The following GPC5 variants were observed in gnomAD, a reference collection of about 807,000 sequenced individuals.
GPC5 encodes glypican 5.
Under a neutral mutation model 53.9 loss-of-function variants are expected in GPC5, and 47 were observed. That is an observed-to-expected ratio of 0.87 (90% CI 0.69 to 1.11). The LOEUF is 1.11. Ranked by LOEUF, GPC5 falls within the 50% of genes most tolerant of loss-of-function variation. GPC5 has a pLI of 0.00. For missense variants in GPC5, 748 were observed against 713.1 expected (o/e 1.05, Z -0.56); for synonymous variants, 286 against 263.3 (o/e 1.09, Z -0.84).
chr13:91,769,060 G>T (rs1464540963), intron 5 of GPC5, among the ~76,000 whole-genome samples: 1 of 152,132 alleles, frequency 6.6e-6, no homozygotes, highest in African/African-American at 2.4e-5. Flanking sequence ...TAAGGAATTG[G>T]CTTATGTGAT....
chr13:92,288,758 T>A (rs2139180233), intron 7 of GPC5, among the ~76,000 whole-genome samples: 1 of 152,310 alleles, frequency 6.6e-6, no homozygotes, highest in South Asian at 2.1e-4. Flanking sequence ...CAAAAAGTGA[T>A]GGTCGTTTTA....
chr13:91,574,066 CT>C (rs1410961115), intron 2 of GPC5, among the ~76,000 whole-genome samples: 1 of 152,054 alleles, frequency 6.6e-6, no homozygotes, highest in Non-Finnish European at 1.5e-5. Context: ...TTACCATATT[CT>C]TTTTTTGTGG....
At chr13:91,716,638 A>G (rs2036344126) in intron 3 of GPC5, among the ~76,000 whole-genome samples, 1 of 152,198 alleles carries the variant, frequency 6.6e-6, no homozygotes, top group South Asian at 2.1e-4. Context: ...TCTATCAAAT[A>G]TGTTGAAACT....
chr13:92,439,391 A>G (rs774098882), intron 7 of GPC5, among the ~76,000 whole-genome samples: 8 of 152,228 alleles, frequency 5.3e-5, no homozygotes, highest in Admixed American at 3.9e-4. Context: ...TCAGTGGTCC[A>G]GTGTAAATGC....
At chr13:91,492,090 G>T (rs1173112112) in intron 2 of GPC5, among the ~76,000 whole-genome samples, 1 of 151,946 alleles carries the variant, frequency 6.6e-6, no homozygotes, top group East Asian at 1.9e-4. Context: ...TATATATTCT[G>T]CCCACTTGGT....
rs577626413 is a variant in GPC5 at position 92,216,885 on chromosome 13, G to A, written c.1561+71896G>A. 1.4e-4 allele frequency among the ~76,000 whole-genome samples: 21 copies of A among 151,726 alleles called. No individual in the cohort carries two copies. In the South Asian group the frequency reaches 2.3e-3, roughly 17 times the overall value. ...TCCCAGCTACTGCAGAGGTTGAGGC[G>A]TGAGAATTACTTGAACCCAGGAGGT... On this transcript the variant is annotated intron_variant, in intron 7 of 7. Coordinates refer to ENST00000377067, the MANE Select transcript of GPC5 (RefSeq NM_004466.6).
At chr13:91,977,979 G>T (rs1199727373) in intron 6 of GPC5, among the ~76,000 whole-genome samples, 1 of 135,796 alleles carries the variant, frequency 7.4e-6, no homozygotes, top group Non-Finnish European at 1.6e-5. Flanking sequence ...AAGAAAGAAA[G>T]AAAGAAAAGA....
intron 7 of GPC5, among the ~76,000 whole-genome samples, chr13:92,246,898 A>T (rs543045927): frequency 1.3e-5 from 2 of 152,250 alleles, no homozygotes; most frequent in South Asian, 4.1e-4. Flanking sequence ...TTAATTAACT[A>T]TGTAGACAAA....
intron 6 of GPC5, among the ~76,000 whole-genome samples, chr13:91,935,737 C>T (rs1760746721): frequency 6.6e-6 from 1 of 151,912 alleles, no homozygotes; most frequent in South Asian, 2.1e-4. Flanking sequence ...ATTCGTTTAC[C>T]TTTAGATGTT....
chr13:92,526,333 T>C (rs1033990818), intron 7 of GPC5, among the ~76,000 whole-genome samples: 1 of 152,110 alleles, frequency 6.6e-6, no homozygotes, highest in Non-Finnish European at 1.5e-5. Context: ...TGTGCTTTCA[T>C]AACCTGAGGT....
rs543436949 is a variant in GPC5 at position 91,649,789 on chromosome 13, T to C, written c.326-43398T>C. 1.4e-4 allele frequency among the ~76,000 whole-genome samples: 22 copies of C among 152,318 alleles called. 1 individual carries two copies. In the South Asian group the frequency reaches 1.9e-3, roughly 13 times the overall value. On this transcript the variant is annotated intron_variant, in intron 2 of 7. Transcript: ENST00000377067. ...TGCCCTTCTCAAATGCATTTTAGTATACTCCACATGGCTTGTATTCTTCTG... is the reference window on the plus strand; with the variant it reads ...TGCCCTTCTCAAATGCATTTTAGTACACTCCACATGGCTTGTATTCTTCTG...
At chr13:92,247,713 ATGTCATTT>A (rs2042663003) in intron 7 of GPC5, among the ~76,000 whole-genome samples, 1 of 152,054 alleles carries the variant, frequency 6.6e-6, no homozygotes, top group Non-Finnish European at 1.5e-5. Context: ...TAAGCAGAAA[ATGTCATTT>A]TGGTTTCATC....
intron 7 of GPC5, among the ~76,000 whole-genome samples, chr13:92,545,812 G>A (rs1882090568): frequency 6.6e-6 from 1 of 152,028 alleles, no homozygotes; most frequent in Non-Finnish European, 1.5e-5. Context: ...TGTAGATTCT[G>A]GATATTAGCC....
intron 6 of GPC5, chr13:92,059,794 C>T (rs927126529): frequency 6.6e-6 from 1 of 151,734 alleles, no homozygotes; most frequent in Non-Finnish European, 1.5e-5. Flanking sequence ...CTCACTTTTG[C>T]ATAGAGGTAT....
At chr13:91,720,845 AT>A (rs1483726567) in intron 3 of GPC5, among the ~76,000 whole-genome samples, 1 of 152,130 alleles carries the variant, frequency 6.6e-6, no homozygotes, top group African/African-American at 2.4e-5. Flanking sequence ...TTCACTTGCT[AT>A]GTTTAATCCA....
At chr13:92,425,305 T>C (rs1876783450) in intron 7 of GPC5, among the ~76,000 whole-genome samples, 1 of 152,036 alleles carries the variant, frequency 6.6e-6, no homozygotes, top group Admixed American at 6.6e-5. Flanking sequence ...ATATAAATAG[T>C]TTCTAGATGT....
At chr13:91,894,078 C>G in intron 5 of GPC5, among the ~76,000 whole-genome samples, 1 of 151,858 alleles carries the variant, frequency 6.6e-6, no homozygotes, top group East Asian at 1.9e-4. Context: ...TTTATAAACA[C>G]TTATTTAGAT....
chr13:92,211,861 G>A (rs573620506), intron 7 of GPC5, among the ~76,000 whole-genome samples: 3 of 152,268 alleles, frequency 2.0e-5, no homozygotes, highest in Admixed American at 6.5e-5. Flanking sequence ...TTTGAATCAG[G>A]AACTAAATTA....
At chr13:92,759,265 T>C (rs1473419422) in intron 7 of GPC5, among the ~76,000 whole-genome samples, 4 of 151,972 alleles carry the variant, frequency 2.6e-5, no homozygotes, top group Non-Finnish European at 5.9e-5. Context: ...GATTGTTTTA[T>C]CTATTTCTGT....
Sources: allele counts gnomAD v4.1 joint callset (sites outside exome capture counted in the v4.1 genomes callset), GRCh38; gene constraint gnomAD v4.1.1; transcripts MANE v1.5; gene names NCBI Gene and HGNC (gene_info 2026-07-23, HGNC 2026-07-21).